The following TSPAN5 variants were observed in gnomAD, a reference collection of about 807,000 sequenced individuals.
TSPAN5 encodes the protein tetraspanin 5.
In TSPAN5, 10 loss-of-function variants were observed where a neutral mutation model predicts 37.1. That is an observed-to-expected ratio of 0.27 (90% CI 0.17 to 0.46). The LOEUF is 0.46. TSPAN5 is among the 20% of genes least tolerant of loss of function. The pLI is 1.00. For missense variants in TSPAN5, 195 were observed against 326.6 expected (o/e 0.60, Z 3.11); for synonymous variants, 110 against 118.9 (o/e 0.93, Z 0.48).
intron 1 of TSPAN5, among the ~76,000 whole-genome samples, chr4:98,631,735 C>G (rs1254068544): frequency 6.6e-6 from 1 of 152,112 alleles, no homozygotes; most frequent in Non-Finnish European, 1.5e-5. Flanking sequence ...TGAAGGGACC[C>G]AGCAATTTGA....
chr4:98,626,179 A>G (rs184201522), intron 1 of TSPAN5, among the ~76,000 whole-genome samples: 1 of 152,288 alleles, frequency 6.6e-6, no homozygotes, highest in Admixed American at 6.5e-5. Flanking sequence ...GCCCAGGTAC[A>G]TGCTGGTTTC....
intron 1 of TSPAN5, among the ~76,000 whole-genome samples, chr4:98,610,422 T>C (rs1248091608): frequency 1.3e-5 from 2 of 152,204 alleles, no homozygotes; most frequent in African/African-American, 4.8e-5. Context: ...TCCATTCAGT[T>C]GCTACCAGTA....
At chr4:98,625,825 T>A (rs1312791996) in intron 1 of TSPAN5, among the ~76,000 whole-genome samples, 3 of 147,618 alleles carry the variant, frequency 2.0e-5, no homozygotes, top group Non-Finnish European at 4.5e-5. Flanking sequence ...TTTCATCAAA[T>A]ACACATCTTC....
intron 1 of TSPAN5, among the ~76,000 whole-genome samples, chr4:98,646,636 A>G (rs1355189010): frequency 2.0e-5 from 3 of 152,240 alleles, no homozygotes; most frequent in African/African-American, 7.2e-5. Flanking sequence ...TCTGGTATCC[A>G]CGATAAGAAC....
At chr4:98,642,818 A>T (rs931150283) in intron 1 of TSPAN5, among the ~76,000 whole-genome samples, 7 of 152,280 alleles carry the variant, frequency 4.6e-5, no homozygotes, top group East Asian at 1.9e-4. Flanking sequence ...AATAATTTTT[A>T]AAAAAAGGCT....
At chr4:98,585,462 G>A (rs978897015) in intron 1 of TSPAN5, among the ~76,000 whole-genome samples, 3 of 151,844 alleles carry the variant, frequency 2.0e-5, no homozygotes, top group Non-Finnish European at 2.9e-5. Flanking sequence ...GGCATGCACC[G>A]CCACACCTGG....
At chr4:98,502,588 G>A (rs2110281450) in intron 2 of TSPAN5, among the ~76,000 whole-genome samples, 1 of 152,310 alleles carries the variant, frequency 6.6e-6, no homozygotes, top group East Asian at 1.9e-4. Context: ...TCAGGACCCA[G>A]CATGGGTTCA....
intron 1 of TSPAN5, among the ~76,000 whole-genome samples, chr4:98,651,862 T>C (rs1197134984): frequency 7.6e-6 from 1 of 132,166 alleles, no homozygotes; most frequent in African/African-American, 3.0e-5. Context: ...TCCTTCAACA[T>C]ACTTTTTTTT....
intron 2 of TSPAN5, among the ~76,000 whole-genome samples, chr4:98,504,466 A>G (rs1753429406): frequency 6.6e-6 from 1 of 152,206 alleles, no homozygotes. Flanking sequence ...AGAGACCACA[A>G]AACAAACCCA....
chr4:98,503,563 A>T (rs1753405485), intron 2 of TSPAN5, among the ~76,000 whole-genome samples: 1 of 152,246 alleles, frequency 6.6e-6, no homozygotes, highest in South Asian at 2.1e-4. Context: ...CATGATTCTA[A>T]TTCGGTGGAA....
At chr4:98,554,153 C>T (rs926408584) in intron 1 of TSPAN5, among the ~76,000 whole-genome samples, 1 of 152,084 alleles carries the variant, frequency 6.6e-6, no homozygotes, top group African/African-American at 2.4e-5. Context: ...AAGTTTTTCT[C>T]AAAGCATAAC....
At chr4:98,635,056 C>T (rs138952240) in intron 1 of TSPAN5, among the ~76,000 whole-genome samples, 92 of 152,336 alleles carry the variant, frequency 6.0e-4, no homozygotes, top group African/African-American at 2.0e-3. Flanking sequence ...AGGCACTTTC[C>T]ATTCGCCCCA....
chr4:98,507,746 C>T lies in TSPAN5; in HGVS notation c.82-18G>A. On this transcript the variant is annotated intron_variant, in intron 1 of 7. Transcript: ENST00000305798. The stretch of plus-strand genomic sequence containing the variant: ...CCCAAAAACTGAAAAAGAAAGAAAG[C>T]AGTGTAAATATAAGGGAAAATGCCG... 1.3e-6 allele frequency: 2 copies of T among 1,596,338 alleles called. No individual in the cohort carries two copies. The highest frequency in any genetic ancestry group is 1.7e-6 in the Non-Finnish European group (2 of 1,169,508).
intron 1 of TSPAN5, among the ~76,000 whole-genome samples, chr4:98,627,812 A>G (rs564053613): frequency 2.6e-5 from 4 of 152,360 alleles, no homozygotes; most frequent in Admixed American, 1.3e-4. Context: ...TTGAAAATAG[A>G]AAAAGTAAAT....
At chr4:98,618,305 T>C (rs1438730657) in intron 1 of TSPAN5, among the ~76,000 whole-genome samples, 2 of 151,440 alleles carry the variant, frequency 1.3e-5, no homozygotes, top group African/African-American at 2.4e-5. Context: ...AAAGTAGGAA[T>C]AATCACACTA....
chr4:98,528,752 T>G (rs1194964130), intron 1 of TSPAN5, among the ~76,000 whole-genome samples: 3 of 152,198 alleles, frequency 2.0e-5, no homozygotes, highest in African/African-American at 7.2e-5. Context: ...CAGGAACTTT[T>G]TTTATTGTAC....
At chr4:98,573,031 T>C (rs1178236561) in intron 1 of TSPAN5, among the ~76,000 whole-genome samples, 1 of 152,200 alleles carries the variant, frequency 6.6e-6, no homozygotes, top group Non-Finnish European at 1.5e-5. Flanking sequence ...CATAGACCCT[T>C]CTCCAAGGAA....
rs141556379 is a variant in TSPAN5 at position 98,549,446 on chromosome 4, G to A, written c.82-41718C>T. ...GCCTCCTGAGTAACTGGGACTACAGGTGCCCTACGCCCAGCTAGTGTTTTT... is the reference window on the plus strand; with the variant it reads ...GCCTCCTGAGTAACTGGGACTACAGATGCCCTACGCCCAGCTAGTGTTTTT... On this transcript the variant is annotated intron_variant, in intron 1 of 7. Coordinates refer to ENST00000305798, the MANE Select transcript of TSPAN5 (RefSeq NM_005723.4). Among the ~76,000 whole-genome samples the A allele has an allele frequency of 6.6e-4, 101 of 152,010 alleles. 1 individual carries two copies. The East Asian group carries it at 0.017, about 26-fold the overall frequency.
At chr4:98,476,730 G>T (rs28374939) in intron 5 of TSPAN5, among the ~76,000 whole-genome samples, 7,692 of 152,266 alleles carry the variant, frequency 0.051, 463 homozygotes, top group African/African-American at 0.15. Context: ...TATCACACAG[G>T]AGGCTCAAGA....
Sources: gnomAD v4.1 joint callset for allele counts (sites outside exome capture counted in the v4.1 genomes callset) on GRCh38, gnomAD v4.1.1 for gene constraint, MANE v1.5 for transcripts, NCBI Gene and HGNC (gene_info 2026-07-23, HGNC 2026-07-21) for gene names.